Variants in MXD3 observed in about 807,000 individuals in gnomAD.
MXD3 encodes the protein MAX dimerization protein 3, also known as Max-associated protein 3.
MXD3 carries 20 observed loss-of-function variants against 27.5 expected under a neutral mutation model. That is an observed-to-expected ratio of 0.73 (90% confidence interval 0.51 to 1.06). The LOEUF (loss-of-function observed/expected upper bound fraction) is 1.06. MXD3 is among the 50% of genes least tolerant of loss of function. MXD3 has a pLI of 0.00. For synonymous variants in MXD3, 150 were observed against 130.7 expected, an observed-to-expected ratio of 1.15 and a Z score of -1.01; for missense variants, 298 against 291.3, an observed-to-expected ratio of 1.02 and a Z score of -0.17.
At chr5:177,311,936 C>T, upstream of MXD3, 1 of 1,252,346 alleles carries the variant, frequency 8.0e-7, no homozygotes, top group Non-Finnish European at 1.0e-6. Context: ...CACAGGGGCC[C>T]GCCCCGCCCC....
rs774670444 is a variant in MXD3 at position 177,308,010 on chromosome 5, G to C, written c.322-46C>G. On this transcript the variant is annotated intron_variant, in intron 4 of 5. Coordinates refer to ENST00000439742, the MANE Select transcript of MXD3 (RefSeq NM_031300.4). Reference sequence around the variant, plus strand: ...AGGGGCTGGGGTCAGCGGCGTGGGGGCTTGGGCTGCACCCCAGCACCACTC... The same window carrying C: ...AGGGGCTGGGGTCAGCGGCGTGGGGCCTTGGGCTGCACCCCAGCACCACTC... 1.3e-5 allele frequency: 19 copies of C among 1,459,450 alleles called. No individual in the cohort carries two copies. In the Admixed American group the frequency reaches 3.3e-4, roughly 25 times the overall value. The allele number at this position is 1,459,450 out of a possible 1,614,324, so 90.4% of individuals were successfully genotyped here.
chr5:177,310,469 T>C lies in MXD3; in HGVS notation c.278A>G (p.Tyr93Cys). 2 of 1,613,236 alleles carry C rather than the reference T, an allele frequency of 1.2e-6. No homozygotes were observed. Among genetic ancestry groups the C allele is most frequent in the Non-Finnish European group, 1.7e-6 (2 of 1,179,758 alleles). ...QMPLGADCAR[Y>C]TTLSLLRRAR... Reference sequence around the variant, plus strand: ...ACGGCGCAGCAGGCTCAGCGTGGTGTACCGGGCACAGTCGGCCCCCAGGGG... The same window carrying C: ...ACGGCGCAGCAGGCTCAGCGTGGTGCACCGGGCACAGTCGGCCCCCAGGGG... The change falls in exon 4 of 6, where the codon TAC (tyrosine) becomes TGC (cysteine). Residue 93 changes from tyrosine (Y) to cysteine (C), a missense_variant. Tyr to Cys is a radical substitution (Grantham distance 194). Coordinates refer to ENST00000439742, the MANE Select transcript of MXD3 (RefSeq NM_031300.4).
downstream of MXD3, chr5:177,306,408 G>A: frequency 1.2e-6 from 2 of 1,614,004 alleles, no homozygotes; most frequent in Non-Finnish European, 8.5e-7. Flanking sequence ...GCAGCCACCT[G>A]CCGTTCGCGA....
chr5:177,307,747 G>C (rs1249737780), intron 5 of MXD3, 34 bp downstream of exon 5: 1 of 1,613,106 alleles, frequency 6.2e-7, no homozygotes, highest in Non-Finnish European at 8.5e-7. Context: ...CTCGCCCCGA[G>C]GGCCACACAA....
At chr5:177,306,382 C>T (rs1260864692), downstream of MXD3, 33 of 1,613,020 alleles carry the variant, frequency 2.0e-5, no homozygotes, top group South Asian at 4.4e-5. Context: ...GTTGGTCTTT[C>T]AGGCATCTTC....
upstream of MXD3, chr5:177,311,950 G>T (rs1761050332): frequency 4.8e-6 from 6 of 1,238,912 alleles, no homozygotes; most frequent in Admixed American, 2.0e-4. Context: ...CCGCCCCCGG[G>T]ACGCCCCGCC....
downstream of MXD3, chr5:177,306,315 A>T (rs780260622): frequency 4.4e-6 from 7 of 1,583,978 alleles, no homozygotes; most frequent in Non-Finnish European, 6.0e-6. Flanking sequence ...GGTGAATACC[A>T]CCTTTTTAGT....
chr5:177,312,654 C>T, upstream of MXD3: 1 of 985,498 alleles, frequency 1.0e-6, no homozygotes, highest in Non-Finnish European at 1.2e-6. Context: ...TATCTCGGCC[C>T]CCCTCCTCTT....
Position 177,311,837 on chromosome 5 carries a change from G to A in MXD3, c.-7C>T. ...TGCTGGCCAAGGGTTCCATGTCGGC[G>A]ACAGCTGGCGGCGGGCCGGCCTAGG... On this transcript the variant is annotated 5_prime_UTR_variant, in exon 1 of 6. Coordinates refer to ENST00000439742, the MANE Select transcript of MXD3 (RefSeq NM_031300.4). 3.7e-6 allele frequency: 6 copies of A among 1,610,716 alleles called. No individual in the cohort carries two copies. The highest frequency in any genetic ancestry group is 5.1e-6 in the Non-Finnish European group (6 of 1,178,434).
upstream of MXD3, chr5:177,312,002 G>C (rs1471432363): frequency 7.8e-7 from 1 of 1,277,890 alleles, no homozygotes; most frequent in East Asian, 3.8e-5. Context: ...TCTGGAACCC[G>C]CCACGGAGCC....
intron 4 of MXD3, among the ~76,000 whole-genome samples, chr5:177,309,621 T>G (rs1238700077): frequency 6.6e-6 from 1 of 152,234 alleles, no homozygotes; most frequent in Non-Finnish European, 1.5e-5. Context: ...CAGCCCCCAG[T>G]GCCTAGAATA....
At chr5:177,310,612 G>C in intron 3 of MXD3, 56 bp downstream of exon 3, 1 of 1,613,372 alleles carries the variant, frequency 6.2e-7, no homozygotes. Context: ...GGGAGGGAAG[G>C]CCAGAGGGCA....
At position 177,307,892 on chromosome 5, in the gene MXD3, G is replaced by A. The variant is rs553047183; in HGVS notation, c.394C>T (p.Arg132Trp). 20 of 1,604,874 alleles carry A rather than the reference G, an allele frequency of 1.2e-5. No homozygotes were observed. The highest frequency in any genetic ancestry group is 4.5e-5 in the East Asian group (2 of 44,612). Residue 132 changes from arginine to tryptophan, a missense_variant, in exon 5 of 6, where the codon CGG becomes TGG. Physicochemically the swap from Arg to Trp is moderately radical, Grantham distance 101. Coordinates refer to ENST00000439742, the MANE Select transcript of MXD3 (RefSeq NM_031300.4). ...AGCCCCCGGAGCTGCTCCAGCTGCC[G>A]CTGCAGGCTCTGCTGCTTGCTGCGC... ...RLRSKQQSLQRQLEQLRGLAG... is the reference protein window; with the variant it reads ...RLRSKQQSLQWQLEQLRGLAG...
intron 1 of MXD3, 101 bp from the exon 2 acceptor site, chr5:177,311,585 A>C: frequency 8.4e-7 from 1 of 1,183,844 alleles, no homozygotes; most frequent in Non-Finnish European, 1.2e-6. Flanking sequence ...TGGCGCCAGG[A>C]CCATTTCCCC....
At position 177,307,994 on chromosome 5, in the gene MXD3, G is replaced by A. The variant is rs907799727; in HGVS notation, c.322-30C>T. 4 of 1,488,102 alleles carry A rather than the reference G, an allele frequency of 2.7e-6. No homozygotes were observed. The African/African-American group carries it at 4.2e-5, about 16-fold the overall frequency. The allele number at this position is 1,488,102 out of a possible 1,614,324, so 92.2% of individuals were successfully genotyped here. ...GGATCCCAAAGGAGCAAGGGGCTGG[G>A]GTCAGCGGCGTGGGGGCTTGGGCTG... On this transcript the variant is annotated intron_variant, in intron 4 of 5. Coordinates refer to ENST00000439742, the MANE Select transcript of MXD3 (RefSeq NM_031300.4).
intron 1 of MXD3, 85 bp downstream of exon 1, chr5:177,311,676 C>T: frequency 7.1e-7 from 1 of 1,415,834 alleles, no homozygotes; most frequent in Non-Finnish European, 9.6e-7. Flanking sequence ...TAGGGCGGTG[C>T]ATCCTTCAAG....
intron 4 of MXD3, among the ~76,000 whole-genome samples, chr5:177,308,251 G>T (rs1760941695): frequency 6.6e-6 from 1 of 152,246 alleles, no homozygotes. Context: ...GAGTGCTGTG[G>T]CGTCCAGGGG....
chr5:177,306,115 A>T (rs4631), downstream of MXD3: 2 of 1,613,486 alleles, frequency 1.2e-6, no homozygotes, highest in African/African-American at 2.7e-5. Context: ...GTCTTGCCCG[A>T]TTCAAAAGCA....
chr5:177,309,918 AGT>A (rs1336171321), intron 4 of MXD3, among the ~76,000 whole-genome samples: 2 of 152,230 alleles, frequency 1.3e-5, no homozygotes, highest in Non-Finnish European at 2.9e-5. Flanking sequence ...TGGGAGGACC[AGT>A]GACTGGCGTC....
Sources: allele counts gnomAD v4.1 joint callset (sites outside exome capture counted in the v4.1 genomes callset), GRCh38; gene constraint gnomAD v4.1.1; transcripts MANE v1.5; gene names NCBI Gene and HGNC (gene_info 2026-07-23, HGNC 2026-07-21).